Variants in HDAC9 observed in about 807,000 individuals in gnomAD.
HDAC9 encodes the protein MEF-2 interacting transcription repressor (MITR) protein.
In HDAC9, 41 loss-of-function variants were observed where a neutral mutation model predicts 139.4. That is an observed-to-expected ratio of 0.29 (90% confidence interval 0.23 to 0.38). The LOEUF is 0.38. HDAC9 is among the 10% of genes least tolerant of loss of function. The probability of loss-of-function intolerance (pLI) is 1.00; values close to 1 mark genes in which losing one functional copy is unlikely to be tolerated. For missense variants in HDAC9, 1,147 were observed against 1,297.0 expected (o/e 0.88, Z 1.78); for synonymous variants, 517 against 476.2 (o/e 1.09, Z -1.12).
chr7:18,418,541 C>G (rs917838017), intron 1 of HDAC9, among the ~76,000 whole-genome samples: 4 of 151,376 alleles, frequency 2.6e-5, no homozygotes, highest in Admixed American at 2.6e-4. Context: ...TCCAAAGTCA[C>G]ATGAAAGTAT....
chr7:18,981,935 G>T (rs991238338), intron 25 of HDAC9, among the ~76,000 whole-genome samples: 1 of 151,784 alleles, frequency 6.6e-6, no homozygotes, highest in Non-Finnish European at 1.5e-5. Context: ...TTGAAATAGG[G>T]TCCTGCAAAA....
At chr7:18,968,520 C>A (rs747979303) in intron 24 of HDAC9, among the ~76,000 whole-genome samples, 1 of 152,056 alleles carries the variant, frequency 6.6e-6, no homozygotes, top group Non-Finnish European at 1.5e-5. Context: ...CAGACATTGG[C>A]CTGCAGGCAA....
chr7:18,609,283 G>A (rs966555617), intron 6 of HDAC9, among the ~76,000 whole-genome samples: 17 of 152,200 alleles, frequency 1.1e-4, no homozygotes, highest in Non-Finnish European at 8.8e-5. Flanking sequence ...CACTTGAAAT[G>A]TGGCTAGTAT....
chr7:18,122,941 G>T (rs369122438), intron 1 of HDAC9, among the ~76,000 whole-genome samples: 1 of 152,102 alleles, frequency 6.6e-6, no homozygotes, highest in Non-Finnish European at 1.5e-5. Flanking sequence ...AAAGATTTCT[G>T]CTAGGGTTTT....
intron 25 of HDAC9, among the ~76,000 whole-genome samples, chr7:18,990,652 T>A (rs1466576674): frequency 6.6e-6 from 1 of 152,254 alleles, no homozygotes; most frequent in African/African-American, 2.4e-5. Flanking sequence ...CCAGCCTGGC[T>A]GCCGCCTTGC....
intron 23 of HDAC9, among the ~76,000 whole-genome samples, chr7:18,942,476 A>C (rs955514775): frequency 3.3e-5 from 5 of 152,048 alleles, no homozygotes; most frequent in Non-Finnish European, 1.5e-5. Flanking sequence ...TCTGTGAAAA[A>C]ATATGGAAGC....
At chr7:18,867,318 G>A (rs74409405) in intron 21 of HDAC9, among the ~76,000 whole-genome samples, 36 of 152,096 alleles carry the variant, frequency 2.4e-4, no homozygotes, top group Admixed American at 2.1e-3. Flanking sequence ...ATTCTCCTAC[G>A]ATGGCATATC....
At chr7:18,949,863 A>AT (rs1456368664) in intron 23 of HDAC9, 1 of 151,954 alleles carries the variant, frequency 6.6e-6, no homozygotes, top group Non-Finnish European at 1.5e-5. Context: ...AGGATTGAAA[A>AT]TTTTTTAATT....
intron 6 of HDAC9, among the ~76,000 whole-genome samples, chr7:18,602,761 T>A (rs1479978931): frequency 6.6e-6 from 1 of 152,106 alleles, no homozygotes; most frequent in African/African-American, 2.4e-5. Flanking sequence ...GCTAGCTGTC[T>A]TTCTGTTATT....
chr7:18,548,882 A>G (rs562575175), intron 2 of HDAC9, among the ~76,000 whole-genome samples: 1 of 152,312 alleles, frequency 6.6e-6, no homozygotes, highest in Admixed American at 6.5e-5. Context: ...GCGCTCATAC[A>G]TTGGTATTGG....
chr7:18,951,286 A>G (rs913634046), intron 23 of HDAC9, among the ~76,000 whole-genome samples: 1 of 151,986 alleles, frequency 6.6e-6, no homozygotes, highest in African/African-American at 2.4e-5. Context: ...TCATGCCAAT[A>G]CATTATCACA....
rs755239274 is a variant in HDAC9, at chr7:18,764,875, TG to T, written c.2165-2230del. The stretch of plus-strand genomic sequence containing the variant: ...GAAGGGTTTAAATAAAAGTTCAGTA[TG>T]ATGAGACCTGTCAGTCTTTGTATCT... On this transcript the variant is annotated intron_variant, in intron 15 of 25. Transcript: ENST00000686413. Among the ~76,000 whole-genome samples the T allele has an allele frequency of 4.8e-3, 731 of 152,308 alleles. 4 individuals carry two copies. Among genetic ancestry groups the T allele is most frequent in the Non-Finnish European group, 7.6e-3 (520 of 68,024 alleles).
intron 16 of HDAC9, among the ~76,000 whole-genome samples, chr7:18,785,888 G>A (rs1791671537): frequency 6.6e-6 from 1 of 152,028 alleles, no homozygotes; most frequent in African/African-American, 2.4e-5. Flanking sequence ...GTCGCTGTAA[G>A]AATTGTATTA....
intron 2 of HDAC9, among the ~76,000 whole-genome samples, chr7:18,203,844 A>G (rs753679631): frequency 2.0e-5 from 3 of 152,158 alleles, no homozygotes; most frequent in Non-Finnish European, 4.4e-5. Context: ...TGGCAGAACA[A>G]ATTTTCTCCT....
chr7:18,904,579 T>C (rs945941121), intron 22 of HDAC9, among the ~76,000 whole-genome samples: 2 of 139,584 alleles, frequency 1.4e-5, no homozygotes, highest in African/African-American at 5.4e-5. Flanking sequence ...TTTCTTTTTT[T>C]TTTTTTTTTT....
intron 13 of HDAC9, among the ~76,000 whole-genome samples, chr7:18,728,722 A>C (rs1482130237): frequency 5.9e-5 from 9 of 152,166 alleles, no homozygotes; most frequent in Non-Finnish European, 1.0e-4. Context: ...GACCTCATGC[A>C]AGCCTTCGTG....
At position 18,732,888 on chromosome 7, in the gene HDAC9, TGTGTACACACACAC is replaced by T. The variant is rs1786374572; in HGVS notation, c.1909+5136_1909+5149del. ...ATGTGTACACACACACGTGTGCGTA[TGTGTACACACACAC>T]GTGTGCGTATGTGTATACACACGTG... On this transcript the variant is annotated intron_variant, in intron 13 of 25. Transcript: ENST00000686413. Among the ~76,000 whole-genome samples the T allele has an allele frequency of 3.6e-5, 4 of 109,884 alleles. 1 individual carries two copies. Among genetic ancestry groups the T allele is most frequent in the African/African-American group, 7.9e-5 (2 of 25,198 alleles). The allele number at this position is 109,884 out of a possible 152,430, so 72.1% of individuals were successfully genotyped here. A position where few individuals can be genotyped will look rare whatever the true frequency, so the allele number is the denominator to read the frequency against.
intron 2 of HDAC9, among the ~76,000 whole-genome samples, chr7:18,253,292 T>C (rs1795036779): frequency 6.6e-6 from 1 of 152,232 alleles, no homozygotes; most frequent in Non-Finnish European, 1.5e-5. Context: ...TTGGGTTGAA[T>C]GGTATTTCTG....
chr7:18,233,687 GGAGCACACACA>G (rs769803958), intron 2 of HDAC9, among the ~76,000 whole-genome samples: 16 of 152,082 alleles, frequency 1.1e-4, no homozygotes, highest in Non-Finnish European at 2.1e-4. Flanking sequence ...GTAGGGGAAC[GGAGCACACACA>G]GACCTTCCTC....
Sources: allele counts gnomAD v4.1 joint callset (sites outside exome capture counted in the v4.1 genomes callset), GRCh38; gene constraint gnomAD v4.1.1; transcripts MANE v1.5; gene names NCBI Gene and HGNC (gene_info 2026-07-23, HGNC 2026-07-21).